The following LRP1B variants were observed in gnomAD, a reference collection of about 807,000 sequenced individuals.
LRP1B encodes LDL receptor related protein 1B.
In LRP1B, 217 loss-of-function variants were observed where a neutral mutation model predicts 556.6. That is an observed-to-expected ratio of 0.39 (90% CI 0.35 to 0.44). LRP1B has a LOEUF of 0.44. Among genes scored for constraint, LRP1B ranks in the 20% least tolerant of loss-of-function variants. The pLI, the probability that LRP1B is intolerant of heterozygous loss-of-function variation, is 1.00. For missense variants in LRP1B, 5,053 were observed against 5,620.8 expected, an observed-to-expected ratio of 0.90 and a Z score of 3.23; for synonymous variants, 2,047 against 1,865.8, an observed-to-expected ratio of 1.10 and a Z score of -2.50.
intron 7 of LRP1B, among the ~76,000 whole-genome samples, chr2:141,136,593 A>C (rs1380676592): frequency 6.7e-6 from 1 of 149,108 alleles, no homozygotes; most frequent in East Asian, 2.0e-4. Flanking sequence ...TGTACCAGGC[A>C]ATATACATAG....
At chr2:140,781,687 A>G (rs1021453269) in intron 32 of LRP1B, among the ~76,000 whole-genome samples, 2 of 152,198 alleles carry the variant, frequency 1.3e-5, no homozygotes, top group African/African-American at 4.8e-5. Context: ...TCACGGTTCA[A>G]TTCTTATTTA....
At position 141,015,769 on chromosome 2, in the gene LRP1B, G is replaced by A. The variant is rs543249120; in HGVS notation, c.2117C>T (p.Thr706Ile). The change falls in exon 13 of 91, where the codon ACC becomes ATC. Residue 706 changes from threonine (T) to isoleucine (I), a missense_variant. By Grantham distance (89) the Thr-to-Ile change is moderately conservative. This residue lies in a region of LRP1B where 3,619 missense variants were observed against 3,931.9 expected (regional missense o/e 0.92). Transcript: ENST00000389484. ...WPNGLTLDFHTNTLYWCDAYY... is the reference protein window; with the variant it reads ...WPNGLTLDFHINTLYWCDAYY... The stretch of plus-strand genomic sequence containing the variant: ...GGCATCACACCAGTATAATGTGTTG[G>A]TGTGAAAGTCCAGAGTTAAACCGTT... 18 of 1,613,400 alleles carry A rather than the reference G, an allele frequency of 1.1e-5. No homozygotes were observed. The highest frequency in any genetic ancestry group is 2.2e-5 in the East Asian group (1 of 44,686).
chr2:140,914,009 C>T (rs1250726643), intron 21 of LRP1B, among the ~76,000 whole-genome samples: 1 of 151,992 alleles, frequency 6.6e-6, no homozygotes, highest in Non-Finnish European at 1.5e-5. Flanking sequence ...TTTGGGGCCC[C>T]TAATTCAAGA....
chr2:142,011,122 C>T (rs1316048177), intron 1 of LRP1B, among the ~76,000 whole-genome samples: 2 of 152,170 alleles, frequency 1.3e-5, no homozygotes, highest in Non-Finnish European at 2.9e-5. Context: ...AGTGTTGACT[C>T]ATTTTGTACT....
At chr2:140,638,608 A>T (rs1251377944) in intron 41 of LRP1B, among the ~76,000 whole-genome samples, 1 of 152,198 alleles carries the variant, frequency 6.6e-6, no homozygotes, top group African/African-American at 2.4e-5. Flanking sequence ...TAAATGAATG[A>T]ATCGAAGTAA....
chr2:142,026,774 A>T (rs970095964), intron 1 of LRP1B, among the ~76,000 whole-genome samples: 9 of 152,048 alleles, frequency 5.9e-5, no homozygotes, highest in African/African-American at 1.9e-4. Context: ...ATTAAAACCT[A>T]TACTTTGGCC....
intron 6 of LRP1B, among the ~76,000 whole-genome samples, chr2:141,210,398 A>T (rs1314385421): frequency 6.6e-6 from 1 of 152,334 alleles, no homozygotes; most frequent in Admixed American, 6.5e-5. Flanking sequence ...CACAAAAGTA[A>T]TAATTTCTCT....
At chr2:141,596,795 T>G (rs1687540799) in intron 2 of LRP1B, among the ~76,000 whole-genome samples, 1 of 152,018 alleles carries the variant, frequency 6.6e-6, no homozygotes, top group Non-Finnish European at 1.5e-5. Context: ...CCAAATGTGA[T>G]GTTCATAATA....
intron 66 of LRP1B, among the ~76,000 whole-genome samples, chr2:140,424,846 A>C (rs190031941): frequency 1.3e-5 from 2 of 152,350 alleles, no homozygotes; most frequent in East Asian, 1.9e-4. Flanking sequence ...AGAAAAGTTC[A>C]GTCAAGGATA....
chr2:140,393,099 T>A (rs938188605), intron 66 of LRP1B, among the ~76,000 whole-genome samples: 1 of 151,862 alleles, frequency 6.6e-6, no homozygotes, highest in African/African-American at 2.4e-5. Flanking sequence ...GGCTAATTTG[T>A]TTTCTTTTAT....
At chr2:141,382,182 T>C (rs1689666302) in intron 3 of LRP1B, among the ~76,000 whole-genome samples, 1 of 152,144 alleles carries the variant, frequency 6.6e-6, no homozygotes, top group East Asian at 1.9e-4. Context: ...TGACATCATT[T>C]CTCAGCAGTG....
At chr2:140,562,721 A>G (rs1385207218) in intron 43 of LRP1B, among the ~76,000 whole-genome samples, 1 of 152,044 alleles carries the variant, frequency 6.6e-6, no homozygotes, top group Non-Finnish European at 1.5e-5. Context: ...CCTGGGTTCA[A>G]GTGATTCTCC....
At chr2:140,813,373 G>C (rs1425070476) in intron 32 of LRP1B, among the ~76,000 whole-genome samples, 1 of 152,080 alleles carries the variant, frequency 6.6e-6, no homozygotes, top group Non-Finnish European at 1.5e-5. Flanking sequence ...GACTGGAGTA[G>C]AACACAGAAA....
At position 140,506,840 on chromosome 2, in the gene LRP1B, T is replaced by C. The variant is rs757070443; in HGVS notation, c.8477A>G (p.His2826Arg). Residue 2826 changes from histidine (H) to arginine (R), a missense_variant, in exon 53 of 91, where the codon CAT becomes CGT. This residue lies in a region of LRP1B where 3,619 missense variants were observed against 3,931.9 expected (regional missense o/e 0.92). Coordinates refer to ENST00000389484, the MANE Select transcript of LRP1B (RefSeq NM_018557.3). ...AGAGCCATCTCCACAGTCGTCATCA[T>C]GGTCACAAACAAATTGCTTGGGAAT... ...VCIPKQFVCDHDDDCGDGSDE... is the reference protein window; with the variant it reads ...VCIPKQFVCDRDDDCGDGSDE... The C allele has an allele frequency of 5.0e-6, 8 of 1,614,094 alleles. No homozygotes were observed. The highest frequency in any genetic ancestry group is 6.8e-6 in the Non-Finnish European group (8 of 1,179,984).
intron 3 of LRP1B, among the ~76,000 whole-genome samples, chr2:141,388,064 A>T (rs1689897724): frequency 6.6e-6 from 1 of 152,250 alleles, no homozygotes; most frequent in Admixed American, 6.5e-5. Flanking sequence ...TATATTACTA[A>T]TAAAATGAAG....
chr2:141,237,861 T>C (rs1683703078), intron 5 of LRP1B, among the ~76,000 whole-genome samples: 1 of 152,134 alleles, frequency 6.6e-6, no homozygotes, highest in South Asian at 2.1e-4. Context: ...TTTCCCCTGT[T>C]ATCTGAAAGC....
intron 1 of LRP1B, among the ~76,000 whole-genome samples, chr2:141,860,496 T>C (rs1698203096): frequency 6.6e-6 from 1 of 152,112 alleles, no homozygotes; most frequent in Admixed American, 6.6e-5. Context: ...TCTTCCTCCT[T>C]CTCCTTGCAA....
At chr2:140,906,120 G>A (rs34552194) in intron 22 of LRP1B, among the ~76,000 whole-genome samples, 5,584 of 152,096 alleles carry the variant, frequency 0.037, 133 homozygotes, top group Non-Finnish European at 0.047. Flanking sequence ...GAAAGAGTGC[G>A]GTGTGTAGTT....
At chr2:141,857,786 C>T (rs1034183283) in intron 1 of LRP1B, among the ~76,000 whole-genome samples, 2 of 152,092 alleles carry the variant, frequency 1.3e-5, no homozygotes, top group African/African-American at 2.4e-5. Flanking sequence ...TAACCTTCTT[C>T]CTCTCCTAAC....
Sources: allele counts gnomAD v4.1 joint callset (sites outside exome capture counted in the v4.1 genomes callset), GRCh38; gene constraint gnomAD v4.1.1; regional missense constraint gnomAD v4.1.1; transcripts MANE v1.5; gene names NCBI Gene and HGNC (gene_info 2026-07-23, HGNC 2026-07-21).